Variants in DNMBP observed in about 807,000 individuals in gnomAD.
DNMBP encodes the protein dynamin binding protein, also known as dynamin-binding protein.
Under a neutral mutation model 150.0 loss-of-function variants are expected in DNMBP, and 87 were observed. The observed-to-expected ratio is 0.58, with a 90% CI of 0.49 to 0.69. DNMBP has a LOEUF of 0.69. Ranked by LOEUF, DNMBP falls within the 30% of genes least tolerant of loss-of-function variation. The probability of loss-of-function intolerance (pLI) is 0.00; values close to 1 mark genes in which losing one functional copy is unlikely to be tolerated. For missense variants in DNMBP, 1,774 were observed against 1,949.0 expected (o/e 0.91, Z 1.69); for synonymous variants, 711 against 750.4 (o/e 0.95, Z 0.86).
rs776548346 is a variant in DNMBP at position 99,957,166 on chromosome 10, C to A, written c.308G>T (p.Trp103Leu). The A allele has an allele frequency of 6.2e-7, 1 of 1,608,156 alleles. No individual in the cohort carries two copies. The highest frequency in any genetic ancestry group is 1.1e-5 in the South Asian group (1 of 91,074). ...VILDGIPTAG[W>L]LQGRSCWGAR... ...GCCCCAGCAGCTTCGGCCCTGCAGC[C>A]AGCCTGCAGTGGGAATGCCATCGAG... is the stretch of plus-strand genomic sequence containing the variant. Residue 103 changes from tryptophan (W) to leucine (L), a missense_variant, in exon 4 of 17, where the codon TGG becomes TTG. Physicochemically the swap from Trp to Leu is moderately conservative, Grantham distance 61. This residue lies in a region of DNMBP where 344 missense variants were observed against 456.6 expected (regional missense o/e 0.75). Coordinates refer to ENST00000324109, the MANE Select transcript of DNMBP (RefSeq NM_015221.4).
At chr10:99,894,744 CTTT>C (rs1427535670) in intron 11 of DNMBP, among the ~76,000 whole-genome samples, 199 bp downstream of exon 11, 1 of 152,136 alleles carries the variant, frequency 6.6e-6, no homozygotes, top group African/African-American at 2.4e-5. Flanking sequence ...AGTTGGGCTG[CTTT>C]GAAATGAATG....
chr10:99,886,309 TG>T lies in DNMBP; in HGVS notation c.3608del (p.Pro1203HisfsTer112). The stretch of plus-strand genomic sequence containing the variant: ...CAGGTAAGAAACTCACCGAAAGCAG[TG>T]GCTTTAATTGCTCCAGAGCCTGGTG... ...FVHQALEQLK[P>X]LLSLLKVAGR... On this transcript the variant is annotated frameshift_variant, in exon 13 of 17. Transcript: ENST00000324109. LOFTEE classifies it high-confidence loss of function. 6.2e-7 allele frequency: 1 copy of T among 1,610,928 alleles called. No individual in the cohort carries two copies. Among genetic ancestry groups the T allele is most frequent in the Non-Finnish European group, 8.5e-7 (1 of 1,177,360 alleles).
chr10:100,007,905 T>C (rs1247498883), intron 1 of DNMBP, among the ~76,000 whole-genome samples: 2 of 152,262 alleles, frequency 1.3e-5, no homozygotes, highest in African/African-American at 4.8e-5. Flanking sequence ...AGAAACTATT[T>C]CATATTAATT....
In DNMBP at chr10:99,951,651, C is replaced by T. The variant is rs555106974; in HGVS notation, c.2260+3563G>A. On this transcript the variant is annotated intron_variant, in intron 4 of 16. Transcript: ENST00000324109. ...ACTGCCCCACTGGATTTCAGACTTG[C>T]GTGGGGCCTGTAGCCCCTTTGTTTT... Among the ~76,000 whole-genome samples the T allele has an allele frequency of 1.6e-4, 25 of 152,336 alleles. No individual in the cohort carries two copies. In the South Asian group the frequency reaches 2.5e-3, roughly 15 times the overall value.
intron 1 of DNMBP, among the ~76,000 whole-genome samples, chr10:99,998,719 T>G (rs963989377): frequency 6.6e-6 from 1 of 152,208 alleles, no homozygotes; most frequent in African/African-American, 2.4e-5. Flanking sequence ...CTGTTGATTA[T>G]ATTAAGGAAT....
In DNMBP at chr10:99,940,620, T is replaced by G. The variant is rs565386440; in HGVS notation, c.2260+14594A>C. 2.6e-5 allele frequency among the ~76,000 whole-genome samples: 4 copies of G among 152,354 alleles called. No homozygotes were observed. The East Asian group carries it at 7.7e-4, about 29-fold the overall frequency. Reference sequence around the variant, plus strand: ...TTCTCATCTTACAAACGACTTCCGCTGGCACCTCAATCCAACGTCCCCTGC... The same window carrying G: ...TTCTCATCTTACAAACGACTTCCGCGGGCACCTCAATCCAACGTCCCCTGC... On this transcript the variant is annotated intron_variant, in intron 4 of 16. Transcript: ENST00000324109.
At chr10:99,964,764 G>A (rs949538535) in intron 3 of DNMBP, among the ~76,000 whole-genome samples, 2 of 151,578 alleles carry the variant, frequency 1.3e-5, no homozygotes, top group African/African-American at 2.4e-5. Context: ...CCAGCTATTC[G>A]GGAGGCTAAG....
intron 4 of DNMBP, among the ~76,000 whole-genome samples, chr10:99,932,959 A>AT (rs1298320567): frequency 6.6e-6 from 1 of 151,140 alleles, no homozygotes; most frequent in Non-Finnish European, 1.5e-5. Flanking sequence ...ACTCTTTCTG[A>AT]TGAAAAACAG....
intron 10 of DNMBP, 64 bp downstream of exon 10, chr10:99,896,203 C>CT (rs1364102458): frequency 1.2e-5 from 19 of 1,566,952 alleles, no homozygotes; most frequent in Non-Finnish European, 1.6e-5. Context: ...GCCAGGCAGG[C>CT]TGTCTCATGG....
Position 99,956,307 on chromosome 10 carries a change from G to A in DNMBP, c.1167C>T (p.Gly389=), listed in dbSNP as rs780765174. The change falls in exon 4 of 17, where the codon GGC becomes GGT. Residue 389 remains glycine, a synonymous_variant. Coordinates refer to ENST00000324109, the MANE Select transcript of DNMBP (RefSeq NM_015221.4). ...TGGCAAGAGGCATTTCCCACTCCAC[G>A]CCTGGGCTTCTCGGGGGCCCTCCTG... ...DTAGGPPRSP[G]VEWEMPLATD... is the part of the protein sequence containing the mutation. 1.1e-5 allele frequency: 18 copies of A among 1,613,748 alleles called. No homozygotes were observed. Among genetic ancestry groups the A allele is most frequent in the East Asian group, 4.5e-5 (2 of 44,880 alleles).
At chr10:99,952,200 G>A (rs1018954724) in intron 4 of DNMBP, among the ~76,000 whole-genome samples, 1 of 152,184 alleles carries the variant, frequency 6.6e-6, no homozygotes, top group African/African-American at 2.4e-5. Flanking sequence ...ATGTGGAATT[G>A]TAAGTCCATT....
intron 6 of DNMBP, among the ~76,000 whole-genome samples, chr10:99,900,584 G>T (rs1383379481): frequency 6.6e-6 from 1 of 151,794 alleles, no homozygotes; most frequent in Non-Finnish European, 1.5e-5. Context: ...ATCTGAGAGC[G>T]TTCTCCATGT....
chr10:99,978,206 C>G (rs2040748700), intron 1 of DNMBP, among the ~76,000 whole-genome samples: 2 of 152,196 alleles, frequency 1.3e-5, no homozygotes, highest in Admixed American at 6.5e-5. Context: ...CGAATTCAGG[C>G]CTGTTTGATT....
chr10:99,915,388 A>G (rs1424211942), intron 4 of DNMBP, among the ~76,000 whole-genome samples: 2 of 138,978 alleles, frequency 1.4e-5, no homozygotes, highest in Admixed American at 7.5e-5. Context: ...TTTTAACCTC[A>G]CAGGAACAAA....
At chr10:99,961,719 G>A (rs191164331) in intron 3 of DNMBP, among the ~76,000 whole-genome samples, 3 of 151,940 alleles carry the variant, frequency 2.0e-5, no homozygotes, top group Admixed American at 6.6e-5. Context: ...CTCCCTCCCC[G>A]GGCCAAACTT....
intron 1 of DNMBP, among the ~76,000 whole-genome samples, chr10:99,994,729 C>G (rs2040933211): frequency 6.6e-6 from 1 of 152,234 alleles, no homozygotes; most frequent in African/African-American, 2.4e-5. Flanking sequence ...AATTTACTGA[C>G]TGTTCTAAAA....
chr10:99,927,299 G>GGT (rs2040091555), intron 4 of DNMBP: 1 of 152,262 alleles, frequency 6.6e-6, no homozygotes, highest in Admixed American at 6.5e-5. Context: ...TGGAGTGACA[G>GGT]GTGGGTGGCG....
chr10:99,915,050 T>A (rs1261303090), intron 4 of DNMBP, among the ~76,000 whole-genome samples: 2 of 143,600 alleles, frequency 1.4e-5, no homozygotes, highest in African/African-American at 5.2e-5. Context: ...GCCGAGATCG[T>A]ACCATTGCAC....
chr10:100,001,041 C>T lies in DNMBP; in HGVS notation c.-11+8797G>A, dbSNP rs572578922. Among the ~76,000 whole-genome samples, 12 of 150,216 alleles carry T rather than the reference C, an allele frequency of 8.0e-5. No homozygotes were observed. In the South Asian group the frequency reaches 2.6e-3, roughly 32 times the overall value. On this transcript the variant is annotated intron_variant, in intron 1 of 16. Coordinates refer to ENST00000324109, the MANE Select transcript of DNMBP (RefSeq NM_015221.4). ...AGGGAGGAGTTCAAGACCAGCCTGG[C>T]CAACATGGGGAAACTCCATCTCTAC...
Sources: gnomAD v4.1 joint callset for allele counts (sites outside exome capture counted in the v4.1 genomes callset) on GRCh38, gnomAD v4.1.1 for gene constraint, gnomAD v4.1.1 regional missense constraint, MANE v1.5 for transcripts, NCBI Gene and HGNC (gene_info 2026-07-23, HGNC 2026-07-21) for gene names.